IGSF8: variants seen among roughly 807,000 people sequenced by gnomAD.
IGSF8 encodes immunoglobulin superfamily member 8, also known as CD81 partner 3.
In IGSF8, 46 loss-of-function variants were observed where a neutral mutation model predicts 55.5. The observed-to-expected ratio is 0.83, with a 90% CI of 0.65 to 1.06. IGSF8 has a LOEUF of 1.06. Ranked by LOEUF, IGSF8 falls within the 50% of genes least tolerant of loss-of-function variation. The pLI is 0.00. For missense variants in IGSF8, 731 were observed against 832.3 expected, an observed-to-expected ratio of 0.88 and a Z score of 1.50; for synonymous variants, 314 against 356.1, an observed-to-expected ratio of 0.88 and a Z score of 1.33.
intron 1 of IGSF8, among the ~76,000 whole-genome samples, chr1:160,095,552 G>T (rs1431672287): frequency 6.6e-6 from 1 of 152,228 alleles, no homozygotes; most frequent in Non-Finnish European, 1.5e-5. Context: ...ACCAGGCCTT[G>T]GTTCCAACTG....
At chr1:160,091,997 G>T in intron 5 of IGSF8, 59 bp from the exon 6 acceptor site, 1 of 1,198,840 alleles carries the variant, frequency 8.3e-7, no homozygotes, top group Non-Finnish European at 1.2e-6. Context: ...CCATACACTT[G>T]CCTCTGCGCT....
rs1275917185 is a variant in IGSF8 at position 160,094,044 on chromosome 1, T to C, written c.570A>G (p.Thr190=). ...QELALGCLAR[T]STQKHTHLAV... is the part of the protein sequence containing the mutation. ...CCAGGTGTGTGTGCTTCTGTGTGCT[T>C]GTCCTCGCCAGGCAGCCCAGTGCCA... Residue 190 remains threonine, a synonymous_variant, in exon 3 of 7, where the codon ACA becomes ACG. Coordinates refer to ENST00000314485, the MANE Select transcript of IGSF8 (RefSeq NM_052868.6). The surrounding 1 kb of genome is among the most constrained non-coding windows in gnomAD (Gnocchi z 4.0). The C allele has an allele frequency of 1.9e-6, 3 of 1,614,028 alleles. No individual in the cohort carries two copies. The highest frequency in any genetic ancestry group is 2.5e-6 in the Non-Finnish European group (3 of 1,180,040).
rs746834311 is a variant in IGSF8 at position 160,092,690 on chromosome 1, C to T, written c.1318G>A (p.Val440Met). The change falls in exon 5 of 7, where the codon GTG becomes ATG. Residue 440 changes from valine to methionine, a missense_variant. Transcript: ENST00000314485. ...GCTAGCCATGCCACAGCCTCCAGCA[C>T]CACACCTGCAGAACAAAGGACATGG... ...LPVHVREEGV[V>M]LEAVAWLAGG... 7 of 1,599,650 alleles carry T rather than the reference C, an allele frequency of 4.4e-6. No homozygotes were observed. The South Asian group carries it at 5.5e-5, about 13-fold the overall frequency.
At position 160,093,719 on chromosome 1, in the gene IGSF8, G is replaced by T; in HGVS notation, c.895C>A (p.Gln299Lys). ...KRAVLAHVDV[Q>K]TLSSQLAVTV... ...TATAAGTGGCACTTACACAGCGTCT[G>T]CACATCCACGTGGGCCAGGACGGCC... Residue 299 changes from glutamine (Q) to lysine (K), a missense_variant, in exon 3 of 7, where the codon CAG becomes AAG. Coordinates refer to ENST00000314485, the MANE Select transcript of IGSF8 (RefSeq NM_052868.6). 6.2e-7 allele frequency: 1 copy of T among 1,604,492 alleles called. No homozygotes were observed.
intron 1 of IGSF8, chr1:160,097,834 C>T: frequency 1.0e-6 from 1 of 985,434 alleles, no homozygotes; most frequent in Non-Finnish European, 1.2e-6. Context: ...GAGCCAAGTG[C>T]CATTTGGGAG....
At position 160,094,213 on chromosome 1, in the gene IGSF8, A is replaced by G; in HGVS notation, c.443-42T>C. ...GAGTGAGGGAGGGCTGGGAGCTGGC[A>G]GCCCTTGTTACTGTTTCCTGTGTAT... On this transcript the variant is annotated intron_variant, in intron 2 of 6. Transcript: ENST00000314485. This position sits in a 1 kb window ranked among gnomAD's most constrained non-coding sequence, Gnocchi z 4.0. 1 of 1,336,064 alleles carries G rather than the reference A, an allele frequency of 7.5e-7. No homozygotes were observed. Among genetic ancestry groups the G allele is most frequent in the Non-Finnish European group, 1.0e-6 (1 of 970,456 alleles). 82.8% of individuals were successfully genotyped at this position (1,336,064 alleles called of 1,614,324 possible). A position where few individuals can be genotyped will look rare whatever the true frequency, so the allele number is the denominator to read the frequency against.
upstream of IGSF8, chr1:160,098,660 C>G: frequency 3.6e-6 from 2 of 547,964 alleles, no homozygotes; most frequent in Non-Finnish European, 6.4e-6. Flanking sequence ...CTCCAGCCCT[C>G]GGCAGTTCTG....
chr1:160,095,396 A>T, intron 1 of IGSF8, 150 bp from the exon 2 acceptor site: 4 of 790,364 alleles, frequency 5.1e-6, no homozygotes, highest in Non-Finnish European at 5.9e-6. Context: ...TGAGAATAGG[A>T]AAGGGATGCT....
intron 1 of IGSF8, 110 bp downstream of exon 1, chr1:160,098,299 G>A (rs1650580428): frequency 1.4e-6 from 2 of 1,442,360 alleles, no homozygotes; most frequent in Non-Finnish European, 1.8e-6. Context: ...GGGGAGGCTG[G>A]AGGTACCCCT....
At chr1:160,092,883 G>A (rs776955963) in intron 4 of IGSF8, 41 bp downstream of exon 4, 10 of 1,555,230 alleles carry the variant, frequency 6.4e-6, no homozygotes, top group Admixed American at 3.6e-5. Context: ...AAAAGGGGTT[G>A]ACAATCCTCG....
chr1:160,097,798 G>A (rs1650535745), intron 1 of IGSF8: 3 of 985,448 alleles, frequency 3.0e-6, no homozygotes, highest in Non-Finnish European at 3.6e-6. Flanking sequence ...GGAACTAAGC[G>A]GTGTGAAAAC....
Position 160,092,288 on chromosome 1 carries a change from T to G in IGSF8, c.1720A>C (p.Met574Leu), listed in dbSNP as rs766393697. Residue 574 changes from methionine (M) to leucine (L), a missense_variant, in exon 5 of 7, where the codon ATG (methionine) becomes CTG (leucine). Met to Leu is a conservative substitution (Grantham distance 15, BLOSUM62 2). Coordinates refer to ENST00000314485, the MANE Select transcript of IGSF8 (RefSeq NM_052868.6). The part of the protein sequence containing the change: ...RSGPVTVYPY[M>L]HALDTLFVPL... The stretch of plus-strand genomic sequence containing the variant: ...TGGAGGGGGTGTCACTCACCATGCA[T>G]GTAGGGGTAGACTGTAACAGGCCCT... 3.7e-6 allele frequency: 6 copies of G among 1,613,788 alleles called. No individual in the cohort carries two copies. The South Asian group carries it at 4.4e-5, about 12-fold the overall frequency.
At position 160,091,885 on chromosome 1, in the gene IGSF8, T is replaced by C. The variant is rs1480549900; in HGVS notation, c.1780A>G (p.Thr594Ala). The change falls in exon 6 of 7, where the codon ACT (threonine) becomes GCT (alanine). Residue 594 changes from threonine (T) to alanine (A), a missense_variant. Transcript: ENST00000314485. Reference sequence around the variant, plus strand: ...ATGGTACCAAGGACAGTGGCACCAGTGACTAGGGCCACCCCTGTACCCACC... The same window carrying C: ...ATGGTACCAAGGACAGTGGCACCAGCGACTAGGGCCACCCCTGTACCCACC... ...LLVGTGVALV[T>A]GATVLGTITC... 1 of 1,614,010 alleles carries C rather than the reference T, an allele frequency of 6.2e-7. No homozygotes were observed. The highest frequency in any genetic ancestry group is 1.7e-5 in the Admixed American group (1 of 60,010).
At chr1:160,091,970 A>G in intron 5 of IGSF8, 32 bp from the exon 6 acceptor site, 1 of 1,431,262 alleles carries the variant, frequency 7.0e-7, no homozygotes, top group Non-Finnish European at 9.9e-7. Flanking sequence ...TTCAGAGAGG[A>G]TGCCATCATC....
chr1:160,092,176 TGGA>T, intron 5 of IGSF8, 103 bp downstream of exon 5: 1 of 1,230,924 alleles, frequency 8.1e-7, no homozygotes, highest in South Asian at 1.3e-5. Flanking sequence ...TGACATAATG[TGGA>T]GGAGAGAGAT....
In IGSF8 at chr1:160,093,836, C is replaced by T. The variant is rs1650206065; in HGVS notation, c.778G>A (p.Ala260Thr). The change falls in exon 3 of 7, where the codon GCC becomes ACC. Residue 260 changes from alanine to threonine, a missense_variant. Physicochemically the swap from Ala to Thr is moderately conservative, Grantham distance 58. Coordinates refer to ENST00000314485, the MANE Select transcript of IGSF8 (RefSeq NM_052868.6). ...TAGGTGCCTGCGTCCCCTGCCTGGGCACCCCCTACTACCATGCGGTACCGA... is the reference window on the plus strand; with the variant it reads ...TAGGTGCCTGCGTCCCCTGCCTGGGTACCCCCTACTACCATGCGGTACCGA... ...TDRYRMVVGGAQAGDAGTYHC... is the reference protein window; with the variant it reads ...TDRYRMVVGGTQAGDAGTYHC... 4 of 1,614,164 alleles carry T rather than the reference C, an allele frequency of 2.5e-6. No homozygotes were observed. Among genetic ancestry groups the T allele is most frequent in the East Asian group, 4.5e-5 (2 of 44,890 alleles).
rs768865897 is a variant in IGSF8, at chr1:160,092,953, C to T, written c.1283G>A (p.Arg428Gln). 20 of 1,607,366 alleles carry T rather than the reference C, an allele frequency of 1.2e-5. No individual in the cohort carries two copies. Among genetic ancestry groups the T allele is most frequent in the East Asian group, 2.2e-5 (1 of 44,652 alleles). ...RLREAASARS[R>Q]PLPVHVREEG... ...CTCCCGCACATGTACAGGGAGAGGC[C>T]GGGAACGGGCACTGGCTGCTTCACG... The change falls in exon 4 of 7, where the codon CGG (arginine) becomes CAG (glutamine). Residue 428 changes from arginine to glutamine, a missense_variant. Transcript: ENST00000314485.
In IGSF8 at chr1:160,093,782, C is replaced by A. The variant is rs1368457760; in HGVS notation, c.832G>T (p.Asp278Tyr). The A allele has an allele frequency of 6.2e-7, 1 of 1,614,064 alleles. No individual in the cohort carries two copies. Among genetic ancestry groups the A allele is most frequent in the Non-Finnish European group, 8.5e-7 (1 of 1,179,942 alleles). Residue 278 changes from aspartate to tyrosine, a missense_variant, in exon 3 of 7, where the codon GAT (aspartate) becomes TAT (tyrosine). By Grantham distance (160) the Asp-to-Tyr change is radical. Coordinates refer to ENST00000314485, the MANE Select transcript of IGSF8 (RefSeq NM_052868.6). ...ATCTGGGCCCAGCTGCCATCAGGAT[C>A]CTGAATCCACTCAGCGGCAGTGCAG... ...YHCTAAEWIQ[D>Y]PDGSWAQIAE...
chr1:160,095,311 A>C, intron 1 of IGSF8, 65 bp from the exon 2 acceptor site: 1 of 1,478,906 alleles, frequency 6.8e-7, no homozygotes, highest in East Asian at 2.3e-5. Context: ...CTGCCGCCAC[A>C]AGCACCATTC....
Sources: allele counts gnomAD v4.1 joint callset (sites outside exome capture counted in the v4.1 genomes callset), GRCh38; gene constraint gnomAD v4.1.1; non-coding constraint Gnocchi (gnomAD v3.1); transcripts MANE v1.5; gene names NCBI Gene and HGNC (gene_info 2026-07-23, HGNC 2026-07-21).